The following DIPK1A variants were observed in gnomAD, a reference collection of about 807,000 sequenced individuals.
The protein encoded by DIPK1A is divergent protein kinase domain 1A, also known as family with sequence similarity 69 member A.
A neutral mutation model predicts 40.8 loss-of-function variants in DIPK1A; 27 were observed. The ratio of observed to expected loss-of-function variants is 0.66; its 90% CI spans 0.49 to 0.91. The LOEUF (loss-of-function observed/expected upper bound fraction) is 0.91, where lower values mean the gene tolerates loss of function less well. Ranked by LOEUF, DIPK1A falls within the 40% of genes least tolerant of loss-of-function variation. The pLI is 0.00. For missense variants in DIPK1A, 412 were observed against 505.7 expected (o/e 0.81, Z 1.78); for synonymous variants, 166 against 171.3 (o/e 0.97, Z 0.24).
At position 92,843,116 on chromosome 1, in the gene DIPK1A, T is replaced by G; in HGVS notation, c.*267A>C. On this transcript the variant is annotated 3_prime_UTR_variant, in exon 5 of 5. Coordinates refer to ENST00000370310, the MANE Select transcript of DIPK1A (RefSeq NM_001006605.5). The stretch of plus-strand genomic sequence containing the variant: ...TTATGGAATGAAGCTTTTCACAGCA[T>G]TGGTTTTTAAAGTCAGTCAAAATAG... 1.8e-6 allele frequency: 2 copies of G among 1,128,436 alleles called. No individual in the cohort carries two copies. The highest frequency in any genetic ancestry group is 1.1e-6 in the Non-Finnish European group (1 of 920,116). 69.9% of individuals were successfully genotyped at this position (1,128,436 alleles called of 1,614,324 possible).
At chr1:92,955,697 CAAA>C (rs551282522) in intron 1 of DIPK1A, among the ~76,000 whole-genome samples, 33 of 46,610 alleles carry the variant, frequency 7.1e-4, no homozygotes, top group African/African-American at 2.2e-3. Context: ...GACTCTGTCT[CAAA>C]AAAAAAAAAA....
intron 1 of DIPK1A, among the ~76,000 whole-genome samples, chr1:92,892,483 C>T (rs536426597): frequency 2.0e-5 from 3 of 152,176 alleles, no homozygotes; most frequent in African/African-American, 7.2e-5. Flanking sequence ...AGGACATCCA[C>T]ACCAAAAACC....
chr1:92,932,094 T>G, intron 1 of DIPK1A: 1 of 377,272 alleles, frequency 2.7e-6, no homozygotes, highest in Non-Finnish European at 5.4e-6. Context: ...TAGATTAAAA[T>G]ATACCAGGGT....
rs140918101 is a variant in DIPK1A, at chr1:92,876,340, T to C, written c.145A>G (p.Thr49Ala). ...GSWIIYVQYS[T>A]YTELCRGKDC... ...TTTCCTCTGCATAATTCTGTATAGG[T>C]AGAATACTGCACATATATAATCCAG... Residue 49 changes from threonine to alanine, a missense_variant, in exon 2 of 5, where the codon ACC (threonine) becomes GCC (alanine). By Grantham distance (58) the Thr-to-Ala change is moderately conservative. Coordinates refer to ENST00000370310, the MANE Select transcript of DIPK1A (RefSeq NM_001006605.5). The C allele has an allele frequency of 7.6e-4, 1,223 of 1,601,068 alleles. 8 individuals are homozygous for C. In the African/African-American group the frequency reaches 0.014, roughly 19 times the overall value.
At chr1:92,883,027 T>C (rs1648446931) in intron 1 of DIPK1A, among the ~76,000 whole-genome samples, 1 of 152,098 alleles carries the variant, frequency 6.6e-6, no homozygotes, top group Non-Finnish European at 1.5e-5. Flanking sequence ...TGCCCTGGGG[T>C]GGGTGCAATT....
At chr1:92,898,950 T>C (rs1649297685) in intron 1 of DIPK1A, among the ~76,000 whole-genome samples, 1 of 152,154 alleles carries the variant, frequency 6.6e-6, no homozygotes. Context: ...AATGTTTTTG[T>C]ATAGACGGGG....
chr1:92,838,860 A>G (rs911676477), downstream of DIPK1A, among the ~76,000 whole-genome samples: 1 of 152,234 alleles, frequency 6.6e-6, no homozygotes, highest in African/African-American at 2.4e-5. Context: ...GGGTATAGGT[A>G]GTTGAGGTTT....
chr1:92,927,263 C>T (rs1197943526), intron 1 of DIPK1A, among the ~76,000 whole-genome samples: 1 of 152,012 alleles, frequency 6.6e-6, no homozygotes, highest in Non-Finnish European at 1.5e-5. Flanking sequence ...CCCACAAGGT[C>T]ACAAGGTCAC....
chr1:92,843,169 TA>T lies in DIPK1A; in HGVS notation c.*213del, dbSNP rs1687442422. On this transcript the variant is annotated 3_prime_UTR_variant, in exon 5 of 5. Coordinates refer to ENST00000370310, the MANE Select transcript of DIPK1A (RefSeq NM_001006605.5). The stretch of plus-strand genomic sequence containing the variant: ...ACACAATGAATGTACTTCGGAGATG[TA>T]ACAGGGCTTCTAAAAGGGCAGGAAT... The T allele has an allele frequency of 3.0e-6, 4 of 1,315,126 alleles. No homozygotes were observed. The South Asian group carries it at 8.2e-5, about 27-fold the overall frequency. The allele number at this position is 1,315,126 out of a possible 1,614,324, so 81.5% of individuals were successfully genotyped here.
At chr1:92,905,687 A>T (rs1649594150) in intron 1 of DIPK1A, among the ~76,000 whole-genome samples, 1 of 152,140 alleles carries the variant, frequency 6.6e-6, no homozygotes, top group African/African-American at 2.4e-5. Flanking sequence ...TTAATCAATA[A>T]ATCTTTGCCC....
chr1:92,869,260 C>A (rs1039493083), intron 2 of DIPK1A, among the ~76,000 whole-genome samples: 2 of 151,866 alleles, frequency 1.3e-5, no homozygotes, highest in African/African-American at 4.8e-5. Flanking sequence ...CCCTTTTGCT[C>A]AAGTGATCCT....
At chr1:92,895,182 C>G (rs1281578811) in intron 1 of DIPK1A, among the ~76,000 whole-genome samples, 2 of 151,898 alleles carry the variant, frequency 1.3e-5, no homozygotes, top group South Asian at 2.1e-4. Context: ...GATACCAAAG[C>G]CTGGCAGAGA....
chr1:92,918,942 G>A (rs555013980), intron 1 of DIPK1A, among the ~76,000 whole-genome samples: 2 of 152,284 alleles, frequency 1.3e-5, no homozygotes, highest in Admixed American at 1.3e-4. Flanking sequence ...TGATCCGGCA[G>A]GAGGCGGAGC....
chr1:92,954,024 T>C (rs550584790), intron 1 of DIPK1A, among the ~76,000 whole-genome samples: 6 of 152,272 alleles, frequency 3.9e-5, no homozygotes, highest in African/African-American at 1.4e-4. Flanking sequence ...AAAAAAGGAA[T>C]TGCTTATTTT....
downstream of DIPK1A, chr1:92,840,722 C>A: frequency 1.0e-6 from 1 of 979,272 alleles, no homozygotes; most frequent in Non-Finnish European, 1.6e-6. Flanking sequence ...TGTAATTGTG[C>A]AAACTCGATC....
intron 1 of DIPK1A, among the ~76,000 whole-genome samples, chr1:92,884,049 G>C (rs968121171): frequency 1.3e-5 from 2 of 152,148 alleles, no homozygotes; most frequent in African/African-American, 4.8e-5. Context: ...ATGTATTTAT[G>C]CCTAAGTTGA....
At chr1:92,918,597 C>T (rs984145321) in intron 1 of DIPK1A, among the ~76,000 whole-genome samples, 51 of 152,292 alleles carry the variant, frequency 3.3e-4, no homozygotes, top group African/African-American at 9.6e-4. Flanking sequence ...TTTCTAATTA[C>T]GCACTCTCCT....
chr1:92,909,218 G>A (rs1419061767), intron 1 of DIPK1A, among the ~76,000 whole-genome samples: 1 of 152,082 alleles, frequency 6.6e-6, no homozygotes, highest in Non-Finnish European at 1.5e-5. Flanking sequence ...TCCTTCATCT[G>A]CAGAGGAGAA....
chr1:92,833,141 A>G, intron 4 of DIPK1A: 2 of 669,768 alleles, frequency 3.0e-6, no homozygotes, highest in Middle Eastern at 2.5e-4. Context: ...TGCATTTTGT[A>G]TGTTTCTTTT....
Sources: allele counts gnomAD v4.1 joint callset (sites outside exome capture counted in the v4.1 genomes callset), GRCh38; gene constraint gnomAD v4.1.1; transcripts MANE v1.5; gene names NCBI Gene and HGNC (gene_info 2026-07-23, HGNC 2026-07-21).